CDH8: variants seen among roughly 807,000 people sequenced by gnomAD.
CDH8 encodes the protein cadherin-8.
A neutral mutation model predicts 68.1 loss-of-function variants in CDH8; 17 were observed. The observed-to-expected ratio is 0.25, with a 90% CI of 0.17 to 0.37. CDH8 has a LOEUF of 0.37. Among genes scored for constraint, CDH8 ranks in the 10% least tolerant of loss-of-function variants. The pLI is 1.00. For synonymous variants in CDH8, 372 were observed against 365.1 expected (o/e 1.02, Z -0.21); for missense variants, 763 against 999.3 (o/e 0.76, Z 3.19).
At chr16:61,947,489 T>C (rs1055861902) in intron 2 of CDH8, among the ~76,000 whole-genome samples, 1 of 152,170 alleles carries the variant, frequency 6.6e-6, no homozygotes, top group Admixed American at 6.5e-5. Flanking sequence ...GGTCCCTGCC[T>C]TCAAGGAGTT....
intron 10 of CDH8, chr16:61,710,618 C>T (rs1384935684): frequency 6.6e-6 from 1 of 151,968 alleles, no homozygotes; most frequent in Admixed American, 6.6e-5. Context: ...CTCGTCTTAC[C>T]ATAGGCTCTC....
chr16:61,749,224 C>T (rs1156292242), intron 8 of CDH8, among the ~76,000 whole-genome samples: 3 of 151,824 alleles, frequency 2.0e-5, no homozygotes, highest in African/African-American at 4.8e-5. Flanking sequence ...AAAAAAAGGC[C>T]GCCAGAGCTT....
intron 2 of CDH8, among the ~76,000 whole-genome samples, chr16:61,910,294 T>G (rs1964137976): frequency 6.6e-6 from 1 of 151,708 alleles, no homozygotes; most frequent in Non-Finnish European, 1.5e-5. Context: ...TCTCTTTTTC[T>G]TTGCATTCTG....
chr16:61,771,472 C>CAA (rs11355312), intron 8 of CDH8, among the ~76,000 whole-genome samples: 728 of 62,054 alleles, frequency 0.012, 7 homozygotes, highest in African/African-American at 0.024. Flanking sequence ...AAAAGCCAGC[C>CAA]AAAAAAAAAA....
chr16:61,994,487 A>G (rs1182276190), intron 2 of CDH8, among the ~76,000 whole-genome samples: 1 of 152,188 alleles, frequency 6.6e-6, no homozygotes, highest in African/African-American at 2.4e-5. Context: ...CACATAATTT[A>G]CCTATTACAG....
In CDH8 at chr16:61,649,778, GTAAT is replaced by G. The variant is rs1158060264; in HGVS notation, c.*3826_*3829del. ...TTCAGTCCTTATGTGGCTATAAAGA[GTAAT>G]TGGCTACTTAGCTCTCAGCACCCGC... is the stretch of plus-strand genomic sequence containing the variant. On this transcript the variant is annotated 3_prime_UTR_variant, in exon 12 of 12. Transcript: ENST00000577390. 10 of 152,206 alleles carry G rather than the reference GTAAT, an allele frequency of 6.6e-5. No individual in the cohort carries two copies. The South Asian group carries it at 1.2e-3, about 19-fold the overall frequency. The allele number at this position is 152,206 out of a possible 1,614,324, so 9.4% of individuals were successfully genotyped here.
At chr16:61,706,489 C>T (rs1964535111) in intron 10 of CDH8, among the ~76,000 whole-genome samples, 2 of 151,882 alleles carry the variant, frequency 1.3e-5, no homozygotes, top group Admixed American at 6.5e-5. Flanking sequence ...GGCGTGGTGG[C>T]GGGCGCCTGT....
intron 2 of CDH8, among the ~76,000 whole-genome samples, chr16:61,992,687 A>C (rs1965746879): frequency 6.6e-6 from 1 of 152,224 alleles, no homozygotes; most frequent in South Asian, 2.1e-4. Context: ...CATTTACTAA[A>C]TATCTTCTCA....
intron 2 of CDH8, among the ~76,000 whole-genome samples, chr16:61,949,751 G>A (rs1382126346): frequency 6.6e-6 from 1 of 152,214 alleles, no homozygotes; most frequent in East Asian, 1.9e-4. Context: ...GGGAAGCCAA[G>A]GCGGCAGATC....
At chr16:61,983,665 T>C (rs894330928) in intron 2 of CDH8, among the ~76,000 whole-genome samples, 1 of 152,208 alleles carries the variant, frequency 6.6e-6, no homozygotes, top group African/African-American at 2.4e-5. Context: ...CTATAAATTT[T>C]AATTTGCATG....
At chr16:61,689,469 A>T (rs745622917) in intron 10 of CDH8, among the ~76,000 whole-genome samples, 5 of 152,002 alleles carry the variant, frequency 3.3e-5, no homozygotes, top group Non-Finnish European at 7.4e-5. Context: ...ACACCCAGGC[A>T]CATACAGACT....
At chr16:61,936,440 A>G (rs1221623663) in intron 2 of CDH8, among the ~76,000 whole-genome samples, 3 of 152,200 alleles carry the variant, frequency 2.0e-5, no homozygotes, top group Non-Finnish European at 4.4e-5. Context: ...GGCAGTAGAT[A>G]AGGATTGCCA....
In CDH8 at chr16:61,971,099, C is replaced by G. The variant is rs189341083; in HGVS notation, c.252+50053G>C. On this transcript the variant is annotated intron_variant, in intron 2 of 11. Transcript: ENST00000577390. ...TGTACTTTGTGAGATCCACCCTGCCCGCAAAACATTGCTCTTAACTTCACC... is the reference window on the plus strand; with the variant it reads ...TGTACTTTGTGAGATCCACCCTGCCGGCAAAACATTGCTCTTAACTTCACC... Among the ~76,000 whole-genome samples the G allele has an allele frequency of 3.8e-3, 582 of 152,238 alleles. 2 individuals are homozygous for G. Among genetic ancestry groups the G allele is most frequent in the South Asian group, 9.5e-3 (46 of 4,822 alleles).
At chr16:61,979,348 C>G (rs369925545) in intron 2 of CDH8, among the ~76,000 whole-genome samples, 1 of 152,170 alleles carries the variant, frequency 6.6e-6, no homozygotes, top group Non-Finnish European at 1.5e-5. Context: ...CTGAACTTCT[C>G]TCATTGATTA....
In CDH8 at chr16:62,036,405, C is replaced by G. The variant is rs958915357; in HGVS notation, c.-525G>C. On this transcript the variant is annotated 5_prime_UTR_variant, in exon 1 of 12. Transcript: ENST00000577390. ...ACTAATTCTGGGCTGAGCGCTCCGG[C>G]GTGCGAGCCCGCCTGCCTGCCAAAT... 1.3e-5 allele frequency: 2 copies of G among 152,538 alleles called. No homozygotes were observed. The highest frequency in any genetic ancestry group is 2.9e-5 in the Non-Finnish European group (2 of 68,310). 9.4% of individuals were successfully genotyped at this position (152,538 alleles called of 1,614,324 possible). A position where few individuals can be genotyped will look rare whatever the true frequency, so the allele number is the denominator to read the frequency against.
intron 2 of CDH8, among the ~76,000 whole-genome samples, chr16:61,931,782 A>G (rs1439797284): frequency 6.6e-6 from 1 of 152,236 alleles, no homozygotes; most frequent in African/African-American, 2.4e-5. Flanking sequence ...CCCTTAAAAC[A>G]TCTATAATAC....
In CDH8 at chr16:61,650,143, C is replaced by A. The variant is rs560636283; in HGVS notation, c.*3465G>T. The A allele has an allele frequency of 6.6e-6, 1 of 152,138 alleles. No individual in the cohort carries two copies. Among genetic ancestry groups the A allele is most frequent in the East Asian group, 1.9e-4 (1 of 5,170 alleles). The allele number at this position is 152,138 out of a possible 1,614,324, so 9.4% of individuals were successfully genotyped here. A position where few individuals can be genotyped will look rare whatever the true frequency, so the allele number is the denominator to read the frequency against. ...GAATTTAAAAATAGCATATTTTAGT[C>A]ATCGTATTATAAATGTTTAGAAACT... On this transcript the variant is annotated 3_prime_UTR_variant, in exon 12 of 12. Transcript: ENST00000577390.
intron 8 of CDH8, among the ~76,000 whole-genome samples, chr16:61,788,325 G>T (rs952201235): frequency 2.0e-5 from 3 of 151,958 alleles, no homozygotes; most frequent in Admixed American, 2.0e-4. Context: ...GAATTTTAGG[G>T]CATATTTCCT....
rs375561663 is a variant in CDH8, at chr16:61,970,931, C to T, written c.252+50221G>A. Among the ~76,000 whole-genome samples, 395 of 152,286 alleles carry T rather than the reference C, an allele frequency of 2.6e-3. 4 individuals are homozygous for T. Among genetic ancestry groups the T allele is most frequent in the African/African-American group, 8.8e-3 (366 of 41,558 alleles). On this transcript the variant is annotated intron_variant, in intron 2 of 11. Coordinates refer to ENST00000577390, the MANE Select transcript of CDH8 (RefSeq NM_001796.5). ...ATTCCACCATTGTGATTTGTTCCTT[C>T]CCCACCCTAACTGATCAATGTACTT...
Sources: allele counts gnomAD v4.1 joint callset (sites outside exome capture counted in the v4.1 genomes callset), GRCh38; gene constraint gnomAD v4.1.1; transcripts MANE v1.5; gene names NCBI Gene and HGNC (gene_info 2026-07-23, HGNC 2026-07-21).